NRXN2: variants seen among roughly 807,000 people sequenced by gnomAD.
NRXN2 encodes neurexin 2, also known as neurexin-2-beta.
NRXN2 carries 29 observed loss-of-function variants against 128.8 expected under a neutral mutation model. That is an observed-to-expected ratio of 0.23 (90% CI 0.17 to 0.31). The LOEUF is 0.31. NRXN2 is among the 10% of genes least tolerant of loss of function. The pLI, the probability that NRXN2 is intolerant of heterozygous loss-of-function variation, is 1.00. For synonymous variants in NRXN2, 1,098 were observed against 1,075.2 expected, an observed-to-expected ratio of 1.02 and a Z score of -0.41; for missense variants, 1,881 against 2,452.6, an observed-to-expected ratio of 0.77 and a Z score of 4.92.
At chr11:64,637,573 G>C (rs1177951529) in intron 17 of NRXN2, 2 of 152,448 alleles carry the variant, frequency 1.3e-5, no homozygotes, top group Non-Finnish European at 1.5e-5. Context: ...CTGAATTTGG[G>C]GGGTGGGGCG....
intron 7 of NRXN2, chr11:64,675,170 C>T (rs1044387516): frequency 2.6e-5 from 4 of 152,246 alleles, no homozygotes; most frequent in African/African-American, 7.2e-5. Context: ...TGGCCTGAGC[C>T]GGGCAGGTAG....
In NRXN2 at chr11:64,648,514, C is replaced by A. The variant is rs1340982870; in HGVS notation, c.3284-176G>T. 6.6e-6 allele frequency among the ~76,000 whole-genome samples: 1 copy of A among 152,210 alleles called. No individual in the cohort carries two copies. Among genetic ancestry groups the A allele is most frequent in the African/African-American group, 2.4e-5 (1 of 41,446 alleles). On this transcript the variant is annotated intron_variant, in intron 16 of 22. Transcript: ENST00000265459. The surrounding 1 kb of genome is among the most constrained non-coding windows in gnomAD (Gnocchi z 4.1). ...GGAGGGTCAGGTCTGCTAGGCTTGG[C>A]CTTGGACTGTGACAAGGGGCCAGGG...
rs764896686 is a variant in NRXN2, at chr11:64,667,408, G to A, written c.1640C>T (p.Ser547Phe). Residue 547 changes from serine to phenylalanine, a missense_variant, in exon 9 of 23, where the codon TCT (serine) becomes TTT (phenylalanine). Around this residue, in one of 7 missense-constraint regions of NRXN2, gnomAD observed 997 missense variants for 1,240.8 expected, o/e 0.80. Coordinates refer to ENST00000265459, the MANE Select transcript of NRXN2 (RefSeq NM_015080.4). The surrounding 1 kb of genome is among the most constrained non-coding windows in gnomAD (Gnocchi z 5.6). ...RAGGGAGSHS[S>F]AQRADYFAME... Reference sequence around the variant, plus strand: ...GGCAAAGTAGTCGGCCCGCTGAGCAGAGCTGTGGCTGCCAGCTCCACCCCC... The same window carrying A: ...GGCAAAGTAGTCGGCCCGCTGAGCAAAGCTGTGGCTGCCAGCTCCACCCCC... 1.9e-6 allele frequency: 3 copies of A among 1,614,212 alleles called. No homozygotes were observed. Among genetic ancestry groups the A allele is most frequent in the Non-Finnish European group, 2.5e-6 (3 of 1,180,038 alleles).
intron 7 of NRXN2, among the ~76,000 whole-genome samples, chr11:64,673,948 G>A (rs934844431): frequency 2.0e-5 from 3 of 150,300 alleles, no homozygotes; most frequent in South Asian, 2.1e-4. Flanking sequence ...TGAGGCATAA[G>A]AATTGCTTTA....
At position 64,635,525 on chromosome 11, in the gene NRXN2, T is replaced by C; in HGVS notation, c.3404-73A>G. On this transcript the variant is annotated intron_variant, in intron 17 of 22. Coordinates refer to ENST00000265459, the MANE Select transcript of NRXN2 (RefSeq NM_015080.4). This position sits in a 1 kb window ranked among gnomAD's most constrained non-coding sequence, Gnocchi z 4.8. The stretch of plus-strand genomic sequence containing the variant: ...CGAGGTCAGCAGGTCCTCAGGGTTG[T>C]GACCAGAGGGATGGAACCCCAGGTC... 1 of 1,520,860 alleles carries C rather than the reference T, an allele frequency of 6.6e-7. No individual in the cohort carries two copies. The allele number at this position is 1,520,860 out of a possible 1,614,324, so 94.2% of individuals were successfully genotyped here. A position where few individuals can be genotyped will look rare whatever the true frequency, so the allele number is the denominator to read the frequency against.
chr11:64,683,513 G>A (rs1292950711), intron 6 of NRXN2, among the ~76,000 whole-genome samples: 4 of 151,968 alleles, frequency 2.6e-5, no homozygotes, highest in African/African-American at 7.3e-5. Context: ...CCAGCTACGC[G>A]GGAGGCTGAG....
chr11:64,660,594 G>A lies in NRXN2; in HGVS notation c.2186-59C>T. The A allele has an allele frequency of 1.9e-6, 3 of 1,597,362 alleles. No homozygotes were observed. Among genetic ancestry groups the A allele is most frequent in the African/African-American group, 1.3e-5 (1 of 74,752 alleles). On this transcript the variant is annotated intron_variant, in intron 10 of 22. Coordinates refer to ENST00000265459, the MANE Select transcript of NRXN2 (RefSeq NM_015080.4). The surrounding 1 kb of genome is among the most constrained non-coding windows in gnomAD (Gnocchi z 5.2). ...AGACAGGCAGAGGCCAGGGGAGGGA[G>A]AAGACCAGAGAATCATTACAAGGGC...
rs765058543 is a variant in NRXN2 at position 64,660,286 on chromosome 11, G to C, written c.2389+46C>G. On this transcript the variant is annotated intron_variant, in intron 11 of 22. Transcript: ENST00000265459. The surrounding 1 kb of genome is among the most constrained non-coding windows in gnomAD (Gnocchi z 5.2). ...CAGACAGAGGCAGGTGTGGGTCAGA[G>C]ACAAGGCCAGGTGAGGGGTCAGGAA... is the stretch of plus-strand genomic sequence containing the variant. 2 of 1,597,462 alleles carry C rather than the reference G, an allele frequency of 1.3e-6. No homozygotes were observed.
At chr11:64,647,343 G>A (rs937726559) in intron 17 of NRXN2, among the ~76,000 whole-genome samples, 1 of 152,008 alleles carries the variant, frequency 6.6e-6, no homozygotes, top group South Asian at 2.1e-4. Context: ...TGCTGAGGAG[G>A]CTGCACTCTG....
chr11:64,645,305 G>A (rs953134995), intron 17 of NRXN2, among the ~76,000 whole-genome samples: 2 of 152,094 alleles, frequency 1.3e-5, no homozygotes, highest in African/African-American at 2.4e-5. Context: ...CAGTGAGTGG[G>A]AACTGGAGAG....
At chr11:64,675,207 G>A (rs1785219450) in intron 7 of NRXN2, 1 of 152,254 alleles carries the variant, frequency 6.6e-6, no homozygotes, top group African/African-American at 2.4e-5. Context: ...GCAGCAGCTG[G>A]AGGAACAAGA....
At chr11:64,670,482 G>T (rs544891220) in intron 7 of NRXN2, among the ~76,000 whole-genome samples, 1 of 152,196 alleles carries the variant, frequency 6.6e-6, no homozygotes, top group Admixed American at 6.5e-5. Context: ...TGGGTAATAG[G>T]CTGAATGGGC....
At chr11:64,649,931 C>G (rs1407131495) in intron 15 of NRXN2, among the ~76,000 whole-genome samples, 1 of 151,980 alleles carries the variant, frequency 6.6e-6, no homozygotes, top group Non-Finnish European at 1.5e-5. Flanking sequence ...TGAAGAGGCC[C>G]TGGGGAATGT....
intron 22 of NRXN2, among the ~76,000 whole-genome samples, chr11:64,617,206 G>C (rs905118120): frequency 6.6e-6 from 1 of 152,050 alleles, no homozygotes; most frequent in Non-Finnish European, 1.5e-5. Flanking sequence ...GCCCATGTGA[G>C]CTTGCTGGTG....
chr11:64,658,324 A>G (rs1203941068), intron 11 of NRXN2, among the ~76,000 whole-genome samples: 2 of 152,206 alleles, frequency 1.3e-5, no homozygotes, highest in Non-Finnish European at 2.9e-5. Flanking sequence ...AGAGCCACTT[A>G]TGGGGTCCTT....
chr11:64,612,868 A>G lies in NRXN2; in HGVS notation c.4253-4786T>C, dbSNP rs1020283246. ...CTATGCGGACGTGACCCTGTGGTGCATGATTTCACAAACAGTACCTTCATG... is the reference window on the plus strand; with the variant it reads ...CTATGCGGACGTGACCCTGTGGTGCGTGATTTCACAAACAGTACCTTCATG... On this transcript the variant is annotated intron_variant, in intron 22 of 22. Coordinates refer to ENST00000265459, the MANE Select transcript of NRXN2 (RefSeq NM_015080.4). 3.6e-4 allele frequency among the ~76,000 whole-genome samples: 55 copies of G among 152,376 alleles called. 1 individual carries two copies. The highest frequency in any genetic ancestry group is 1.3e-3 in the African/African-American group (55 of 41,592).
intron 11 of NRXN2, 144 bp from the exon 12 acceptor site, chr11:64,653,866 G>A (rs1196472238): frequency 1.6e-6 from 1 of 634,342 alleles, no homozygotes; most frequent in Non-Finnish European, 2.8e-6. Context: ...CGCGTGCCCA[G>A]GTGCCCTCTT....
At chr11:64,633,449 G>T (rs377582622) in intron 18 of NRXN2, among the ~76,000 whole-genome samples, 3 of 152,110 alleles carry the variant, frequency 2.0e-5, no homozygotes, top group Admixed American at 6.5e-5. Context: ...AGACAGCTGC[G>T]GTGACTTGCA....
chr11:64,608,824 G>A (rs1325576490), intron 22 of NRXN2, among the ~76,000 whole-genome samples: 3 of 152,140 alleles, frequency 2.0e-5, no homozygotes, highest in Non-Finnish European at 4.4e-5. Flanking sequence ...CTGGGGCTGA[G>A]GGGTGGTTTC....
Sources: gnomAD v4.1 joint callset for allele counts (sites outside exome capture counted in the v4.1 genomes callset) on GRCh38, gnomAD v4.1.1 for gene constraint, gnomAD v4.1.1 regional missense constraint, Gnocchi (gnomAD v3.1) non-coding constraint, MANE v1.5 for transcripts, NCBI Gene and HGNC (gene_info 2026-07-23, HGNC 2026-07-21) for gene names.